GPR174: variants seen among roughly 807,000 people sequenced by gnomAD.
The protein encoded by GPR174 is probable G protein-coupled receptor 174.
Under a neutral mutation model 16.5 loss-of-function variants are expected in GPR174, and 8 were observed. The observed-to-expected ratio is 0.48, with a 90% CI of 0.28 to 0.87. The LOEUF is 0.87. GPR174 is among the 40% of genes least tolerant of loss of function. GPR174 has a pLI of 0.09. For missense variants in GPR174, 214 were observed against 247.5 expected (o/e 0.86, Z 0.91); for synonymous variants, 111 against 94.8 (o/e 1.17, Z -0.99).
intron 1 of GPR174, among the ~76,000 whole-genome samples, chrX:79,147,284 C>T (rs1406138778): frequency 1.8e-5 from 2 of 110,370 alleles, no homozygotes; most frequent in Non-Finnish European, 3.8e-5. Flanking sequence ...GTGCTGTGTT[C>T]ATTTCTCCTT....
intron 2 of GPR174, among the ~76,000 whole-genome samples, chrX:79,167,091 C>T (rs901689528): frequency 4.5e-5 from 5 of 111,767 alleles, no homozygotes; most frequent in African/African-American, 1.3e-4. Context: ...ACAATTTAAG[C>T]AGAGAGAAAG....
At chrX:79,166,565 A>G (rs182232126) in intron 2 of GPR174, among the ~76,000 whole-genome samples, 8 of 104,082 alleles carry the variant, frequency 7.7e-5, no homozygotes, top group Admixed American at 3.2e-4. Context: ...CAGTGTCCCA[A>G]GTAGCTGGGA....
chrX:79,146,083 G>T (rs951760004), intron 1 of GPR174, among the ~76,000 whole-genome samples: 1 of 111,620 alleles, frequency 9.0e-6, no homozygotes, highest in Admixed American at 9.5e-5. Flanking sequence ...AAATGTTTAG[G>T]ACAGTGCCTT....
chrX:79,157,540 C>A (rs1229231385), intron 2 of GPR174, among the ~76,000 whole-genome samples: 1 of 111,615 alleles, frequency 9.0e-6, no homozygotes, highest in Non-Finnish European at 1.9e-5. Context: ...ATAATCTCAT[C>A]CAGCACCCAC....
At position 79,172,058 on chromosome X, in the gene GPR174, A is replaced by T. The variant is rs763785079; in HGVS notation, c.*49A>T. The T allele has an allele frequency of 3.6e-6, 4 of 1,102,401 alleles. No individual in the cohort carries two copies. The East Asian group carries it at 1.2e-4, about 33-fold the overall frequency. The allele number at this position is 1,102,401 out of a possible 1,213,427, so 90.9% of individuals were successfully genotyped here. On this transcript the variant is annotated 3_prime_UTR_variant, in exon 3 of 3. Transcript: ENST00000645147. The stretch of plus-strand genomic sequence containing the variant: ...ACCTGAAATGCAAGTACATCAGAAC[A>T]TATCTGCAATACCCAAGCCACAGGG...
At chrX:79,149,254 C>T in intron 1 of GPR174, among the ~76,000 whole-genome samples, 1 of 112,115 alleles carries the variant, frequency 8.9e-6, no homozygotes, top group African/African-American at 3.2e-5. Flanking sequence ...CAATAGCATT[C>T]TGCTTCTGTA....
rs370995044 is a variant in GPR174, at chrX:79,171,898, T to C, written c.891T>C (p.Asn297=). The C allele has an allele frequency of 7.4e-6, 9 of 1,209,361 alleles. No individual in the cohort carries two copies. The highest frequency in any genetic ancestry group is 1.0e-5 in the Non-Finnish European group (9 of 894,957). The part of the protein sequence containing the change: ...LDPVIYYFST[N]EFRRRLSRQD... ...CAGTCATATACTACTTTTCCACTAA[T>C]GAGTTCCGAAGACGGCTTTCAAGAC... The change falls in exon 3 of 3, where the codon AAT becomes AAC. Residue 297 remains asparagine, a synonymous_variant. Transcript: ENST00000645147.
chrX:79,148,401 G>A (rs1015652192), intron 1 of GPR174, among the ~76,000 whole-genome samples: 11 of 112,083 alleles, frequency 9.8e-5, no homozygotes, highest in Admixed American at 9.4e-4. Flanking sequence ...TCTCAGCAAC[G>A]ATGAAAGGCT....
chrX:79,171,088 T>C lies in GPR174; in HGVS notation c.81T>C (p.Thr27=), dbSNP rs1921502598. The C allele has an allele frequency of 4.1e-6, 5 of 1,206,813 alleles. No homozygotes were observed. In the Admixed American group the frequency reaches 1.1e-4, roughly 26 times the overall value. The change falls in exon 3 of 3, where the codon ACT becomes ACC. Residue 27 remains threonine, a synonymous_variant. Transcript: ENST00000645147. Reference sequence around the variant, plus strand: ...ACTTTATTTATGCAGTGACATACACTGTCATTCTTGTGCCAGGTCTCATAG... The same window carrying C: ...ACTTTATTTATGCAGTGACATACACCGTCATTCTTGTGCCAGGTCTCATAG... The part of the protein sequence containing the change: ...FRYFIYAVTY[T]VILVPGLIGN...
At chrX:79,166,861 T>C (rs1372076606) in intron 2 of GPR174, among the ~76,000 whole-genome samples, 1 of 111,935 alleles carries the variant, frequency 8.9e-6, no homozygotes, top group African/African-American at 3.3e-5. Flanking sequence ...AAGATTATAA[T>C]GGTCATGAAA....
chrX:79,167,889 T>C (rs1161260242), intron 2 of GPR174, among the ~76,000 whole-genome samples: 1 of 112,054 alleles, frequency 8.9e-6, no homozygotes, highest in East Asian at 2.8e-4. Flanking sequence ...ATAGAAGATG[T>C]TGAAGCTAAG....
intron 2 of GPR174, among the ~76,000 whole-genome samples, chrX:79,159,460 G>T (rs1366789925): frequency 1.8e-5 from 2 of 112,266 alleles, no homozygotes; most frequent in Non-Finnish European, 3.8e-5. Flanking sequence ...AAAATGCTAA[G>T]AATTAGTTTA....
rs1921612699 is a variant in GPR174 at position 79,175,192 on chromosome X, C to T, written c.*3183C>T. 1 of 111,515 alleles carries T rather than the reference C, an allele frequency of 9.0e-6. No homozygotes were observed. Among genetic ancestry groups the T allele is most frequent in the African/African-American group, 3.3e-5 (1 of 30,673 alleles). 9.2% of individuals were successfully genotyped at this position (111,515 alleles called of 1,213,427 possible). ...ATCTGTGGAACTCTTGCGCAACTTA[C>T]ATTTTATGTCACCTTTTGATTTTAC... On this transcript the variant is annotated 3_prime_UTR_variant, in exon 3 of 3. Transcript: ENST00000645147.
chrX:79,150,006 G>T (rs1926571124), intron 1 of GPR174, among the ~76,000 whole-genome samples: 1 of 111,120 alleles, frequency 9.0e-6, no homozygotes, highest in Non-Finnish European at 1.9e-5. Flanking sequence ...TTTACATTAA[G>T]AAATATTATC....
chrX:79,148,613 G>A (rs748738068), intron 1 of GPR174, among the ~76,000 whole-genome samples: 1 of 110,969 alleles, frequency 9.0e-6, no homozygotes, highest in Non-Finnish European at 1.9e-5. Flanking sequence ...TATCCCCTCG[G>A]ACTCAGATGA....
rs144368801 is a variant in GPR174, at chrX:79,165,779, G to A, written c.-556-4673G>A. Among the ~76,000 whole-genome samples, 485 of 110,937 alleles carry A rather than the reference G, an allele frequency of 4.4e-3. 3 individuals carry two copies. The highest frequency in any genetic ancestry group is 0.015 in the African/African-American group (471 of 30,459). On this transcript the variant is annotated intron_variant, in intron 2 of 2. Coordinates refer to ENST00000645147, the MANE Select transcript of GPR174 (RefSeq NM_032553.3). ...CTTTTCACAGGCTATTAATCGTGTG[G>A]AGTAGTGGATAGGGCACACTCTCTA...
At position 79,145,483 on chromosome X, in the gene GPR174, T is replaced by C. The variant is rs140156429; in HGVS notation, c.-654+266T>C. Among the ~76,000 whole-genome samples, 8 of 111,929 alleles carry C rather than the reference T, an allele frequency of 7.1e-5. No individual in the cohort carries two copies. The East Asian group carries it at 2.2e-3, about 31-fold the overall frequency. On this transcript the variant is annotated intron_variant, in intron 1 of 2. Coordinates refer to ENST00000645147, the MANE Select transcript of GPR174 (RefSeq NM_032553.3). ...ACATGGAGAGATTTTTAATAATGTG[T>C]TTAGCTCATTTGATATTGAGTAAAA... is the stretch of plus-strand genomic sequence containing the variant.
Position 79,173,040 on chromosome X carries a change from A to T in GPR174, c.*1031A>T, listed in dbSNP as rs1007503176. The T allele has an allele frequency of 9.0e-5, 10 of 111,710 alleles. No homozygotes were observed. The highest frequency in any genetic ancestry group is 3.3e-4 in the African/African-American group (10 of 30,694). The allele number at this position is 111,710 out of a possible 1,213,427, so 9.2% of individuals were successfully genotyped here. A position where few individuals can be genotyped will look rare whatever the true frequency, so the allele number is the denominator to read the frequency against. ...GTAATCTTTTTAAAATTCTCATCAC[A>T]TTGTATTTCTTACTCTAATACAAGG... is the stretch of plus-strand genomic sequence containing the variant. On this transcript the variant is annotated 3_prime_UTR_variant, in exon 3 of 3. Transcript: ENST00000645147.
chrX:79,164,081 C>A (rs867181249), intron 2 of GPR174, among the ~76,000 whole-genome samples: 59 of 111,291 alleles, frequency 5.3e-4, no homozygotes, highest in African/African-American at 1.8e-3. Flanking sequence ...ATACTTGGGG[C>A]ATCCTTATTA....
Sources: gnomAD v4.1 joint callset for allele counts (sites outside exome capture counted in the v4.1 genomes callset) on GRCh38, gnomAD v4.1.1 for gene constraint, MANE v1.5 for transcripts, NCBI Gene and HGNC (gene_info 2026-07-23, HGNC 2026-07-21) for gene names.